ZNF618: variants seen among roughly 807,000 people sequenced by gnomAD.
The protein encoded by ZNF618 is neural precursor cell expressed, developmentally down-regulated 10.
ZNF618 carries 34 observed loss-of-function variants against 103.0 expected under a neutral mutation model. That is an observed-to-expected ratio of 0.33 (90% CI 0.25 to 0.44). ZNF618 has a LOEUF of 0.44. Among genes scored for constraint, ZNF618 ranks in the 20% least tolerant of loss-of-function variants. The pLI is 1.00. For synonymous variants in ZNF618, 551 were observed against 542.2 expected (o/e 1.02, Z -0.23); for missense variants, 1,059 against 1,295.4 (o/e 0.82, Z 2.80).
At chr9:114,032,869 A>G in intron 12 of ZNF618, 141 bp downstream of exon 12, 1 of 740,502 alleles carries the variant, frequency 1.4e-6, no homozygotes, top group Non-Finnish European at 2.4e-6. Context: ...GGGAGCAGGG[A>G]ATTAGAGGGA....
intron 9 of ZNF618, 74 bp downstream of exon 9, chr9:114,008,628 T>C: frequency 2.6e-6 from 4 of 1,567,148 alleles, no homozygotes; most frequent in Non-Finnish European, 3.5e-6. Flanking sequence ...GTCTCACTGC[T>C]AGGGCAGGGG....
chr9:113,905,676 C>A (rs1830924564), intron 1 of ZNF618, among the ~76,000 whole-genome samples: 1 of 152,228 alleles, frequency 6.6e-6, no homozygotes, highest in Non-Finnish European at 1.5e-5. Context: ...TTGGTTCTTT[C>A]TCCAGCCTCA....
intron 10 of ZNF618, among the ~76,000 whole-genome samples, chr9:114,023,080 G>A (rs971268437): frequency 4.0e-5 from 6 of 151,790 alleles, no homozygotes; most frequent in African/African-American, 1.5e-4. Context: ...ATCCAGTCTG[G>A]TAATCCCTGC....
chr9:113,877,575 G>A (rs969429142), intron 1 of ZNF618, among the ~76,000 whole-genome samples: 1 of 151,384 alleles, frequency 6.6e-6, no homozygotes, highest in African/African-American at 2.4e-5. Flanking sequence ...TAAATCCTAA[G>A]ATTCTAAAGA....
chr9:114,013,148 A>G (rs1200329086), intron 9 of ZNF618, among the ~76,000 whole-genome samples: 1 of 152,232 alleles, frequency 6.6e-6, no homozygotes, highest in Non-Finnish European at 1.5e-5. Flanking sequence ...AGAATTTTAT[A>G]TCTAGACAAA....
intron 10 of ZNF618, among the ~76,000 whole-genome samples, chr9:114,021,585 A>G (rs578149381): frequency 7.9e-5 from 12 of 152,074 alleles, no homozygotes; most frequent in Non-Finnish European, 1.8e-4. Context: ...ATTGAAGTAT[A>G]TTGTCATATA....
chr9:113,987,689 T>C (rs945506581), intron 2 of ZNF618, among the ~76,000 whole-genome samples: 1 of 152,148 alleles, frequency 6.6e-6, no homozygotes, highest in Non-Finnish European at 1.5e-5. Flanking sequence ...TGAGAGAGCT[T>C]GTTAGAAATG....
At chr9:114,034,408 A>C (rs1421076527) in intron 12 of ZNF618, among the ~76,000 whole-genome samples, 1 of 152,150 alleles carries the variant, frequency 6.6e-6, no homozygotes, top group African/African-American at 2.4e-5. Context: ...TAATATTCAC[A>C]ATCGGGAACG....
At chr9:114,014,075 A>G (rs1392724241) in intron 9 of ZNF618, among the ~76,000 whole-genome samples, 2 of 151,894 alleles carry the variant, frequency 1.3e-5, no homozygotes. Context: ...GTCTAAAACA[A>G]TAGAGAAAAT....
chr9:114,025,069 G>C (rs964100184), intron 10 of ZNF618, among the ~76,000 whole-genome samples: 2 of 152,144 alleles, frequency 1.3e-5, no homozygotes, highest in Non-Finnish European at 2.9e-5. Context: ...CACCACCTTT[G>C]TCCAGCTTTA....
At chr9:113,942,610 G>A (rs1398219802) in intron 1 of ZNF618, among the ~76,000 whole-genome samples, 1 of 152,188 alleles carries the variant, frequency 6.6e-6, no homozygotes, top group Non-Finnish European at 1.5e-5. Flanking sequence ...CTCAAGAAGT[G>A]ATTTTGGAGC....
At chr9:113,939,671 T>G (rs1271743533) in intron 1 of ZNF618, among the ~76,000 whole-genome samples, 1 of 152,130 alleles carries the variant, frequency 6.6e-6, no homozygotes, top group Non-Finnish European at 1.5e-5. Context: ...CTATTTCCTC[T>G]TGAGTCAATT....
chr9:114,007,948 A>T (rs1386975626), intron 7 of ZNF618, among the ~76,000 whole-genome samples: 1 of 152,164 alleles, frequency 6.6e-6, no homozygotes, highest in Non-Finnish European at 1.5e-5. Context: ...TGTGACAACC[A>T]GGCCCACCAC....
In ZNF618 at chr9:114,041,162, C is replaced by A. The variant is rs572228284; in HGVS notation, c.1246+4785C>A. Among the ~76,000 whole-genome samples the A allele has an allele frequency of 2.6e-4, 40 of 152,178 alleles. 1 individual carries two copies. The East Asian group carries it at 6.8e-3, about 26-fold the overall frequency. On this transcript the variant is annotated intron_variant, in intron 13 of 14. Transcript: ENST00000374126. Reference sequence around the variant, plus strand: ...AAGTGTCTGTTCATATCCTTCGCCCCCTTTTTGATGGGGTTGTTTTTTTTC... The same window carrying A: ...AAGTGTCTGTTCATATCCTTCGCCCACTTTTTGATGGGGTTGTTTTTTTTC...
rs570350571 is a variant in ZNF618 at position 113,964,368 on chromosome 9, C to T, written c.34-4749C>T. 4.6e-5 allele frequency among the ~76,000 whole-genome samples: 7 copies of T among 152,206 alleles called. No homozygotes were observed. In the South Asian group the frequency reaches 6.2e-4, roughly 14 times the overall value. ...TGATTGATTTGCTTAGAATTATGGG[C>T]GCCCCAGCATTCTTTCCGCCGCTGA... On this transcript the variant is annotated intron_variant, in intron 1 of 14. Coordinates refer to ENST00000374126, the MANE Select transcript of ZNF618 (RefSeq NM_001318042.2).
chr9:114,011,466 C>T (rs890002573), intron 9 of ZNF618, among the ~76,000 whole-genome samples: 3 of 152,306 alleles, frequency 2.0e-5, no homozygotes, highest in African/African-American at 4.8e-5. Context: ...GTCTGGCTGC[C>T]AGCGTGCTCC....
intron 1 of ZNF618, among the ~76,000 whole-genome samples, chr9:113,951,519 A>G (rs766294179): frequency 0.041 from 2,588 of 62,404 alleles, 592 homozygotes; most frequent in East Asian, 0.087. Flanking sequence ...ATGTGTGTAT[A>G]TGTACACATA....
intron 1 of ZNF618, among the ~76,000 whole-genome samples, chr9:113,892,535 C>T (rs979073604): frequency 6.6e-6 from 1 of 152,098 alleles, no homozygotes; most frequent in Non-Finnish European, 1.5e-5. Flanking sequence ...AAAAGTTAAA[C>T]ACGTCCATAA....
chr9:113,928,622 A>T (rs146765509), intron 1 of ZNF618, among the ~76,000 whole-genome samples: 1 of 152,056 alleles, frequency 6.6e-6, no homozygotes. Context: ...AGAAGCTTCA[A>T]TTTCCTCTTT....
Sources: gnomAD v4.1 joint callset for allele counts (sites outside exome capture counted in the v4.1 genomes callset) on GRCh38, gnomAD v4.1.1 for gene constraint, MANE v1.5 for transcripts, NCBI Gene and HGNC (gene_info 2026-07-23, HGNC 2026-07-21) for gene names.